Variants in TIAM1 observed in about 807,000 individuals in gnomAD.
TIAM1 encodes the protein TIAM Rac1 associated GEF 1.
TIAM1 carries 65 observed loss-of-function variants against 163.5 expected under a neutral mutation model. That is an observed-to-expected ratio of 0.40 (90% CI 0.33 to 0.49). The LOEUF is 0.49. Ranked by LOEUF, TIAM1 falls within the 20% of genes least tolerant of loss-of-function variation. The pLI, the probability that TIAM1 is intolerant of heterozygous loss-of-function variation, is 0.77. For synonymous variants in TIAM1, 833 were observed against 810.1 expected (o/e 1.03, Z -0.48); for missense variants, 1,789 against 2,044.7 (o/e 0.87, Z 2.41).
chr21:31,126,236 T>C (rs1273183360), intron 26 of TIAM1, among the ~76,000 whole-genome samples: 1 of 152,176 alleles, frequency 6.6e-6, no homozygotes, highest in Non-Finnish European at 1.5e-5. Context: ...CTGTGTGAGG[T>C]ACTGGGTAAT....
intron 1 of TIAM1, among the ~76,000 whole-genome samples, chr21:31,540,751 A>C (rs2048297816): frequency 6.6e-6 from 1 of 152,216 alleles, no homozygotes; most frequent in Non-Finnish European, 1.5e-5. Context: ...TCTGAGGCGT[A>C]AGAAAGATTT....
chr21:31,499,436 T>G (rs2046774830), intron 1 of TIAM1, among the ~76,000 whole-genome samples: 1 of 151,948 alleles, frequency 6.6e-6, no homozygotes, highest in Non-Finnish European at 1.5e-5. Context: ...CAGTACACGC[T>G]GCACGGGGGC....
intron 17 of TIAM1, among the ~76,000 whole-genome samples, chr21:31,153,837 G>A (rs774334186): frequency 2.0e-5 from 3 of 152,002 alleles, no homozygotes; most frequent in Non-Finnish European, 4.4e-5. Context: ...AAGGTGGGAG[G>A]ATCGCTTGAG....
chr21:31,343,648 T>G (rs918989480), intron 1 of TIAM1, among the ~76,000 whole-genome samples: 39 of 152,262 alleles, frequency 2.6e-4, no homozygotes, highest in African/African-American at 7.7e-4. Context: ...CTTCTGAATA[T>G]TCCTTCGGAA....
At chr21:31,350,208 T>G (rs1602068860) in intron 2 of TIAM1, among the ~76,000 whole-genome samples, 1 of 152,146 alleles carries the variant, frequency 6.6e-6, no homozygotes, top group Non-Finnish European at 1.5e-5. Context: ...CAGGCCACCC[T>G]TGTGAGGGTG....
chr21:31,364,958 G>GT (rs2076474444), intron 2 of TIAM1, among the ~76,000 whole-genome samples: 2 of 152,222 alleles, frequency 1.3e-5, no homozygotes, highest in South Asian at 4.1e-4. Context: ...ACCAAAGACA[G>GT]TAAGTAAATG....
At chr21:31,213,326 A>G (rs1569039207) in intron 10 of TIAM1, 72 bp downstream of exon 10, 1 of 1,322,278 alleles carries the variant, frequency 7.6e-7, no homozygotes, top group African/African-American at 1.5e-5. Flanking sequence ...GTAGCTCAAG[A>G]CAACACTGCA....
chr21:31,387,156 A>T (rs989802808), intron 2 of TIAM1, among the ~76,000 whole-genome samples: 4 of 148,718 alleles, frequency 2.7e-5, no homozygotes, highest in Non-Finnish European at 5.9e-5. Context: ...GAGCAGACTG[A>T]AGCTCAATAC....
intron 2 of TIAM1, among the ~76,000 whole-genome samples, chr21:31,331,499 T>C (rs1202045989): frequency 1.3e-5 from 2 of 152,204 alleles, no homozygotes; most frequent in Non-Finnish European, 2.9e-5. Flanking sequence ...CAACTATCTC[T>C]AAAATCCAAA....
chr21:31,261,367 G>A (rs2072465076), intron 4 of TIAM1, among the ~76,000 whole-genome samples: 1 of 151,850 alleles, frequency 6.6e-6, no homozygotes, highest in Non-Finnish European at 1.5e-5. Flanking sequence ...GTCAGTGTGG[G>A]TGTGTGCTTT....
In TIAM1 at chr21:31,120,919, G is replaced by C; in HGVS notation, c.4307-82C>G. 7.2e-7 allele frequency: 1 copy of C among 1,393,852 alleles called. No homozygotes were observed. Among genetic ancestry groups the C allele is most frequent in the African/African-American group, 1.5e-5 (1 of 68,758 alleles). The allele number at this position is 1,393,852 out of a possible 1,614,324, so 86.3% of individuals were successfully genotyped here. On this transcript the variant is annotated intron_variant, in intron 27 of 27. Coordinates refer to ENST00000541036, the MANE Select transcript of TIAM1 (RefSeq NM_001353694.2). This position sits in a 1 kb window ranked among gnomAD's most constrained non-coding sequence, Gnocchi z 4.2. The stretch of plus-strand genomic sequence containing the variant: ...AAAATCCAGAAAGCAAAGGACAGGA[G>C]AAAATAAAAACCAAAACGGTATGCA...
At chr21:31,125,221 TAAAA>T (rs397866589) in intron 26 of TIAM1, among the ~76,000 whole-genome samples, 2 of 137,806 alleles carry the variant, frequency 1.5e-5, no homozygotes, top group Non-Finnish European at 1.6e-5. Flanking sequence ...TTCTCATGGT[TAAAA>T]AAAAAAAAAA....
rs917557084 is a variant in TIAM1 at position 31,119,133 on chromosome 21, C to T, written c.*1235G>A. On this transcript the variant is annotated 3_prime_UTR_variant, in exon 28 of 28. Coordinates refer to ENST00000541036, the MANE Select transcript of TIAM1 (RefSeq NM_001353694.2). ...AAAAAAAAAAAAAAAATTGAAAGTG[C>T]TATAACTTGTTTTTCTTCTTAGTAT... 1 of 151,720 alleles carries T rather than the reference C, an allele frequency of 6.6e-6. No individual in the cohort carries two copies. The highest frequency in any genetic ancestry group is 2.5e-5 in the African/African-American group (1 of 40,800). 9.4% of individuals were successfully genotyped at this position (151,720 alleles called of 1,614,324 possible). A position where few individuals can be genotyped will look rare whatever the true frequency, so the allele number is the denominator to read the frequency against.
intron 1 of TIAM1, among the ~76,000 whole-genome samples, chr21:31,477,783 G>A (rs374804563): frequency 2.4e-3 from 363 of 152,146 alleles, no homozygotes; most frequent in Non-Finnish European, 4.0e-3. Context: ...CTGCATGAAA[G>A]AAGTTCATTT....
At chr21:31,469,672 G>A (rs9975354) in intron 1 of TIAM1, among the ~76,000 whole-genome samples, 144,752 of 151,736 alleles carry the variant, frequency 0.95, 69,148 homozygotes, top group East Asian at 1. Context: ...ACTAAAAAAA[G>A]TACAAAAAAA....
chr21:31,403,290 G>A (rs1282231183), intron 2 of TIAM1, among the ~76,000 whole-genome samples: 1 of 152,086 alleles, frequency 6.6e-6, no homozygotes, highest in Non-Finnish European at 1.5e-5. Context: ...TGGGACTACA[G>A]ACGCGTGCCA....
At chr21:31,239,115 G>A (rs895788206) in intron 6 of TIAM1, among the ~76,000 whole-genome samples, 7 of 151,338 alleles carry the variant, frequency 4.6e-5, no homozygotes, top group African/African-American at 1.7e-4. Context: ...CATGTCAGAT[G>A]CAGAAAAACA....
At chr21:31,151,164 T>A (rs1327242027) in intron 19 of TIAM1, among the ~76,000 whole-genome samples, 1 of 152,218 alleles carries the variant, frequency 6.6e-6, no homozygotes, top group East Asian at 1.9e-4. Flanking sequence ...TTGAGCAGTT[T>A]CTTAAAAAGT....
At chr21:31,305,422 T>TAAAAAA (rs35619472) in intron 2 of TIAM1, among the ~76,000 whole-genome samples, 1 of 132,806 alleles carries the variant, frequency 7.5e-6, no homozygotes, top group African/African-American at 2.7e-5. Context: ...GAAATAAAAA[T>TAAAAAA]AAAAAAAAAA....
Sources: gnomAD v4.1 joint callset for allele counts (sites outside exome capture counted in the v4.1 genomes callset) on GRCh38, gnomAD v4.1.1 for gene constraint, Gnocchi (gnomAD v3.1) non-coding constraint, MANE v1.5 for transcripts, NCBI Gene and HGNC (gene_info 2026-07-23, HGNC 2026-07-21) for gene names.